Variants in MRTFB observed in about 807,000 individuals in gnomAD.
MRTFB encodes the protein myocardin-related transcription factor B.
A neutral mutation model predicts 104.2 loss-of-function variants in MRTFB; 29 were observed. The ratio of observed to expected loss-of-function variants is 0.28; its 90% CI spans 0.21 to 0.38. The LOEUF is 0.38. MRTFB is among the 10% of genes least tolerant of loss of function. MRTFB has a pLI of 1.00. For missense variants in MRTFB, 1,270 were observed against 1,341.6 expected, an observed-to-expected ratio of 0.95 and a Z score of 0.83; for synonymous variants, 535 against 519.5, an observed-to-expected ratio of 1.03 and a Z score of -0.41.
chr16:14,150,407 T>C (rs2038555363), intron 3 of MRTFB, among the ~76,000 whole-genome samples: 2 of 152,240 alleles, frequency 1.3e-5, no homozygotes, highest in African/African-American at 4.8e-5. Flanking sequence ...GTATAACTTT[T>C]GGCTGCCTAT....
At chr16:14,190,765 T>C (rs1159902637) in intron 3 of MRTFB, among the ~76,000 whole-genome samples, 1 of 152,194 alleles carries the variant, frequency 6.6e-6, no homozygotes, top group Non-Finnish European at 1.5e-5. Context: ...AGGACAACTA[T>C]CCCAGGCAGC....
intron 2 of MRTFB, among the ~76,000 whole-genome samples, chr16:14,110,007 A>G (rs535610664): frequency 2.2e-4 from 34 of 152,334 alleles, no homozygotes; most frequent in African/African-American, 7.5e-4. Context: ...ATAAGGGTCA[A>G]TATGGTTTGC....
At chr16:14,175,242 G>A (rs961626348) in intron 3 of MRTFB, among the ~76,000 whole-genome samples, 3 of 152,144 alleles carry the variant, frequency 2.0e-5, no homozygotes, top group Admixed American at 2.0e-4. Flanking sequence ...ATGCAACTGT[G>A]AAACCATCAC....
At chr16:14,048,190 C>T in the MRTFB span, among the ~76,000 whole-genome samples, 1 of 152,200 alleles carries the variant, frequency 6.6e-6, no homozygotes, top group Non-Finnish European at 1.5e-5. Context: ...CTCCATGTCT[C>T]ACATCCAGGT....
chr16:14,048,002 C>A, the MRTFB span, among the ~76,000 whole-genome samples: 3 of 152,176 alleles, frequency 2.0e-5, no homozygotes, highest in African/African-American at 7.2e-5. Context: ...TGCCTATGAG[C>A]CTGTAAAATC....
At chr16:14,087,826 T>G (rs2034816113) in intron 2 of MRTFB, among the ~76,000 whole-genome samples, 1 of 152,194 alleles carries the variant, frequency 6.6e-6, no homozygotes, top group African/African-American at 2.4e-5. Context: ...TTACTGACAC[T>G]TGGGAATTAC....
chr16:14,093,623 A>T (rs193051796), intron 2 of MRTFB, among the ~76,000 whole-genome samples: 1 of 152,216 alleles, frequency 6.6e-6, no homozygotes, highest in African/African-American at 2.4e-5. Flanking sequence ...TGAATTGCAG[A>T]TTAATGCTTG....
rs563815785 is a variant in MRTFB, at chr16:14,252,899, A to G, written c.2703+397A>G. 6.6e-5 allele frequency among the ~76,000 whole-genome samples: 10 copies of G among 152,250 alleles called. No homozygotes were observed. In the South Asian group the frequency reaches 1.9e-3, roughly 28 times the overall value. ...GGTATCACTGTTACACCTGGCTGAC[A>G]TTCAAGGCCACCAGCACCTAAATTG... On this transcript the variant is annotated intron_variant, in intron 15 of 16. Coordinates refer to ENST00000571589, the MANE Select transcript of MRTFB (RefSeq NM_001308142.2).
At chr16:14,069,075 T>C (rs1434455521), upstream of MRTFB, among the ~76,000 whole-genome samples, 1 of 150,368 alleles carries the variant, frequency 6.7e-6, no homozygotes, top group African/African-American at 2.5e-5. Context: ...GTTCAAGCGA[T>C]TCTCCTGCCT....
chr16:14,029,807 G>A, the MRTFB span, among the ~76,000 whole-genome samples: 5 of 152,142 alleles, frequency 3.3e-5, no homozygotes, highest in African/African-American at 1.2e-4. Context: ...TGCTTCCTGG[G>A]CATGGAAGTT....
Position 14,262,327 on chromosome 16 carries a change from A to G in MRTFB, c.*883A>G, listed in dbSNP as rs768655713. 2.0e-5 allele frequency: 3 copies of G among 152,238 alleles called. No individual in the cohort carries two copies. Among genetic ancestry groups the G allele is most frequent in the Non-Finnish European group, 4.4e-5 (3 of 68,042 alleles). The allele number at this position is 152,238 out of a possible 1,614,324, so 9.4% of individuals were successfully genotyped here. ...TTAATAGCTCGAATATTTCTAGAGT[A>G]CTTGAGCCACATGTATTTCTGTATT... On this transcript the variant is annotated 3_prime_UTR_variant, in exon 17 of 17. Coordinates refer to ENST00000571589, the MANE Select transcript of MRTFB (RefSeq NM_001308142.2).
chr16:14,140,651 T>G lies in MRTFB; in HGVS notation c.45T>G (p.Pro15=), dbSNP rs753993686. Residue 15 remains proline (P), a synonymous_variant, in exon 3 of 17, where the codon CCT becomes CCG. Transcript: ENST00000571589. The part of the protein sequence containing the change: ...GAIDTEDEVG[P]LAHLAPSPQS... The stretch of plus-strand genomic sequence containing the variant: ...TAGACACCGAGGATGAAGTGGGACC[T>G]TTAGCCCATCTTGCTCCAAGTCCTC... 12 of 1,614,186 alleles carry G rather than the reference T, an allele frequency of 7.4e-6. No homozygotes were observed. Among genetic ancestry groups the G allele is most frequent in the Non-Finnish European group, 8.5e-6 (10 of 1,180,034 alleles).
At chr16:14,248,789 T>G in intron 12 of MRTFB, 137 bp from the exon 13 acceptor site, 2 of 807,792 alleles carry the variant, frequency 2.5e-6, no homozygotes, top group Middle Eastern at 2.5e-4. Context: ...TCTGTGCAGA[T>G]GAAGTGTGTA....
At chr16:14,112,836 A>G (rs1377639315) in intron 2 of MRTFB, among the ~76,000 whole-genome samples, 10 of 152,082 alleles carry the variant, frequency 6.6e-5, no homozygotes, top group Admixed American at 5.2e-4. Context: ...CAGTGTCTCC[A>G]TGGACAGAAG....
intron 2 of MRTFB, among the ~76,000 whole-genome samples, chr16:14,091,994 CAAAAAAAAAAA>C (rs10523985): frequency 2.4e-5 from 2 of 82,072 alleles, no homozygotes; most frequent in Admixed American, 1.6e-4. Context: ...GACTTCATCT[CAAAAAAAAAAA>C]AAAAAAAAAA....
the MRTFB span, among the ~76,000 whole-genome samples, chr16:13,998,766 A>C: frequency 1.3e-5 from 2 of 150,194 alleles, no homozygotes; most frequent in African/African-American, 2.4e-5. Context: ...AAAAATGATA[A>C]TAAATTAATA....
At chr16:14,016,091 GGGAGGCA>G in the MRTFB span, 11 of 397,686 alleles carry the variant, frequency 2.8e-5, no homozygotes, top group Non-Finnish European at 4.9e-5. Context: ...TTTGTAAGCT[GGGAGGCA>G]GGAAGTTTGG....
chr16:14,183,428 T>C (rs1028593606), intron 3 of MRTFB, among the ~76,000 whole-genome samples: 9 of 152,366 alleles, frequency 5.9e-5, no homozygotes, highest in African/African-American at 2.2e-4. Flanking sequence ...TGGATCCTTT[T>C]ACTATACAGG....
intron 2 of MRTFB, among the ~76,000 whole-genome samples, chr16:14,100,111 G>T (rs1407737027): frequency 6.6e-6 from 1 of 152,056 alleles, no homozygotes; most frequent in African/African-American, 2.4e-5. Flanking sequence ...CTTATTGAAC[G>T]AGCAGAACCT....
Sources: allele counts gnomAD v4.1 joint callset (sites outside exome capture counted in the v4.1 genomes callset), GRCh38; gene constraint gnomAD v4.1.1; transcripts MANE v1.5; gene names NCBI Gene and HGNC (gene_info 2026-07-23, HGNC 2026-07-21).